KIF7: variants seen among roughly 807,000 people sequenced by gnomAD.
KIF7 encodes kinesin-like protein KIF7.
KIF7 carries 104 observed loss-of-function variants against 135.7 expected under a neutral mutation model. The ratio of observed to expected loss-of-function variants is 0.77; its 90% CI spans 0.65 to 0.90. The LOEUF is 0.90. Among genes scored for constraint, KIF7 ranks in the 40% least tolerant of loss-of-function variants. The pLI is 0.00. For missense variants in KIF7, 2,005 were observed against 1,839.1 expected, an observed-to-expected ratio of 1.09 and a Z score of -1.65; for synonymous variants, 883 against 809.4, an observed-to-expected ratio of 1.09 and a Z score of -1.54.
rs1964078948 is a variant in KIF7, at chr15:89,649,152, G to A, written c.745C>T (p.His249Tyr). ...APGQLLVSKF[H>Y]FVDLAGSERV... is the part of the protein sequence containing the mutation. ...TCTGAGCCCGCCAGGTCCACGAAGT[G>A]GAACTTGGAGACGAGCAGCTGGCCC... The change falls in exon 4 of 19, where the codon CAC (histidine) becomes TAC (tyrosine). Residue 249 changes from histidine (H) to tyrosine (Y), a missense_variant. Transcript: ENST00000394412. 1.9e-6 allele frequency: 3 copies of A among 1,548,082 alleles called. No homozygotes were observed.
intron 6 of KIF7, 107 bp downstream of exon 6, chr15:89,647,489 C>T: frequency 3.1e-6 from 3 of 965,542 alleles, no homozygotes; most frequent in South Asian, 1.3e-5. Flanking sequence ...ACACCCCTAC[C>T]CCGCAGTACC....
Position 89,645,988 on chromosome 15 carries a change from C to G in KIF7, c.1827G>C (p.Leu609=), listed in dbSNP as rs1261162349. ...TNGREAGAEL[L]TEVNRLGSGS... is the part of the protein sequence containing the mutation. ...CACTTCCCAGCCTGTTCACCTCAGTCAGCAACTCAGCTCCAGCCTCCCTGC... is the reference window on the plus strand; with the variant it reads ...CACTTCCCAGCCTGTTCACCTCAGTGAGCAACTCAGCTCCAGCCTCCCTGC... The change falls in exon 8 of 19, where the codon CTG becomes CTC. Residue 609 remains leucine (L), a synonymous_variant. Coordinates refer to ENST00000394412, the MANE Select transcript of KIF7 (RefSeq NM_198525.3). The G allele has an allele frequency of 6.2e-7, 1 of 1,614,014 alleles. No homozygotes were observed. The highest frequency in any genetic ancestry group is 1.1e-5 in the South Asian group (1 of 91,084).
chr15:89,635,493 G>T (rs539761095), intron 11 of KIF7, among the ~76,000 whole-genome samples: 7 of 152,198 alleles, frequency 4.6e-5, no homozygotes, highest in African/African-American at 1.7e-4. Context: ...GGAGCTGATG[G>T]AGCTGAAAAC....
Position 89,630,311 on chromosome 15 carries a change from G to A in KIF7, c.3294C>T (p.Ala1098=), listed in dbSNP as rs763451105. Residue 1098 remains alanine (A), a synonymous_variant, in exon 16 of 19, where the codon GCC becomes GCT. Coordinates refer to ENST00000394412, the MANE Select transcript of KIF7 (RefSeq NM_198525.3). ...LSYLSSSETR[A]LLCKYFDKVV... ...CCTTGTCAAAATACTTGCAGAGGAGGGCTCTGGTCTCTGAGGATGAGAGGT... is the reference window on the plus strand; with the variant it reads ...CCTTGTCAAAATACTTGCAGAGGAGAGCTCTGGTCTCTGAGGATGAGAGGT... The A allele has an allele frequency of 5.0e-6, 8 of 1,614,126 alleles. No homozygotes were observed. Among genetic ancestry groups the A allele is most frequent in the Non-Finnish European group, 6.8e-6 (8 of 1,180,036 alleles).
intron 11 of KIF7, 26 bp from the exon 12 acceptor site, chr15:89,633,909 G>A (rs766294273): frequency 2.5e-6 from 4 of 1,612,498 alleles, no homozygotes; most frequent in African/African-American, 1.3e-5. Context: ...TCTTCACTGG[G>A]CCATGCACGG....
intron 1 of KIF7, among the ~76,000 whole-genome samples, chr15:89,621,982 C>CTTTTTTTTTTT (rs34123859): frequency 2.3e-5 from 2 of 87,778 alleles, no homozygotes; most frequent in Non-Finnish European, 4.3e-5. Context: ...CAAACTGACT[C>CTTTTTTTTTTT]TTTTTTTTTT....
chr15:89,654,399 C>T (rs895348304), intron 1 of KIF7, among the ~76,000 whole-genome samples: 1 of 151,996 alleles, frequency 6.6e-6, no homozygotes, highest in Non-Finnish European at 1.5e-5. Flanking sequence ...ACACCCCAGG[C>T]CTTTCCTCGC....
chr15:89,626,024 G>A, downstream of KIF7: 1 of 1,613,730 alleles, frequency 6.2e-7, no homozygotes, highest in Non-Finnish European at 8.5e-7. Context: ...TGCTGTTCCA[G>A]GGGAAAACAC....
intron 11 of KIF7, among the ~76,000 whole-genome samples, chr15:89,638,818 A>T (rs1963862999): frequency 6.6e-6 from 1 of 152,218 alleles, no homozygotes; most frequent in Non-Finnish European, 1.5e-5. Context: ...TAGAACCAAA[A>T]AAGAGCCTGC....
At chr15:89,630,184 C>G (rs574319954) in intron 16 of KIF7, 103 bp downstream of exon 16, 4 of 1,087,368 alleles carry the variant, frequency 3.7e-6, no homozygotes, top group East Asian at 5.0e-5. Flanking sequence ...TTCTGTCCCC[C>G]AGTCTGGGAG....
In KIF7 at chr15:89,649,060, G is replaced by A. The variant is rs1341268645; in HGVS notation, c.837C>T (p.Leu279=). Residue 279 remains leucine, a synonymous_variant, in exon 4 of 19, where the codon CTC becomes CTT. Transcript: ENST00000394412. ...LKESIQINSS[L]LALGNVISAL... The stretch of plus-strand genomic sequence containing the variant: ...CGCTGATGACGTTGCCCAGCGCCAG[G>A]AGGCTGCTGTTGATCTGGATGCTCT... The A allele has an allele frequency of 6.5e-7, 1 of 1,548,296 alleles. No homozygotes were observed. Among genetic ancestry groups the A allele is most frequent in the Admixed American group, 2.0e-5 (1 of 51,002 alleles).
In KIF7 at chr15:89,646,827, C is replaced by T; in HGVS notation, c.1788+3G>A. On this transcript the variant is annotated splice_donor_region_variant and intron_variant, in intron 7 of 18. Transcript: ENST00000394412. ...CAGACACCCAGCCTCACCCTCTTCT[C>T]ACCTCTCCCCTCTGCTCAGAGCCAA... is the stretch of plus-strand genomic sequence containing the variant. 2 of 1,613,774 alleles carry T rather than the reference C, an allele frequency of 1.2e-6. No homozygotes were observed. Among genetic ancestry groups the T allele is most frequent in the Non-Finnish European group, 1.7e-6 (2 of 1,179,938 alleles).
At chr15:89,645,594 A>G in intron 8 of KIF7, 143 bp from the exon 9 acceptor site, 1 of 788,184 alleles carries the variant, frequency 1.3e-6, no homozygotes, top group Admixed American at 2.1e-5. Context: ...GTCTGGCAGA[A>G]TCAGGAGTCC....
At chr15:89,619,705 C>T in intron 1 of KIF7, 1 of 1,602,944 alleles carries the variant, frequency 6.2e-7, no homozygotes, top group Non-Finnish European at 8.5e-7. Flanking sequence ...TCTGATTTTA[C>T]AGAAATAAGT....
downstream of KIF7, chr15:89,625,187 G>GC (rs1010106138): frequency 1.2e-6 from 2 of 1,612,932 alleles, no homozygotes; most frequent in Admixed American, 3.3e-5. Context: ...TCACCCCCCT[G>GC]CCCCCGCCTC....
At chr15:89,626,440 G>A (rs916608841), downstream of KIF7, among the ~76,000 whole-genome samples, 5 of 152,124 alleles carry the variant, frequency 3.3e-5, no homozygotes, top group Non-Finnish European at 5.9e-5. Flanking sequence ...CTGTATATTC[G>A]GTGGGACACA....
chr15:89,626,363 G>A (rs1356532485), downstream of KIF7, among the ~76,000 whole-genome samples: 1 of 152,208 alleles, frequency 6.6e-6, no homozygotes, highest in African/African-American at 2.4e-5. Flanking sequence ...ACAGGAAGGC[G>A]TTCTGAGCAG....
At position 89,633,141 on chromosome 15, in the gene KIF7, C is replaced by T; in HGVS notation, c.2718G>A (p.Gln906=). The change falls in exon 13 of 19, where the codon CAG becomes CAA. Residue 906 remains glutamine, a splice_region_variant and synonymous_variant. Coordinates refer to ENST00000394412, the MANE Select transcript of KIF7 (RefSeq NM_198525.3). ...GGGTGCGGACACAGCCTGGCCCCACCTGCTGCTGTTCCAGGCTGACCACAG... is the reference window on the plus strand; with the variant it reads ...GGGTGCGGACACAGCCTGGCCCCACTTGCTGCTGTTCCAGGCTGACCACAG... The part of the protein sequence containing the change: ...NGSVVSLEQQ[Q]KIEEQKKWLD... 1 of 1,602,774 alleles carries T rather than the reference C, an allele frequency of 6.2e-7. No individual in the cohort carries two copies. The highest frequency in any genetic ancestry group is 2.2e-5 in the East Asian group (1 of 44,864).
downstream of KIF7, chr15:89,624,594 C>G: frequency 6.2e-7 from 1 of 1,613,946 alleles, no homozygotes; most frequent in Non-Finnish European, 8.5e-7. Flanking sequence ...AGGGACTGAG[C>G]CTCTCTCCTC....
Sources: gnomAD v4.1 joint callset for allele counts (sites outside exome capture counted in the v4.1 genomes callset) on GRCh38, gnomAD v4.1.1 for gene constraint, MANE v1.5 for transcripts, NCBI Gene and HGNC (gene_info 2026-07-23, HGNC 2026-07-21) for gene names.